Variants in STAP1 observed in about 807,000 individuals in gnomAD.
STAP1 encodes signal-transducing adaptor protein 1.
Under a neutral mutation model 37.8 loss-of-function variants are expected in STAP1, and 30 were observed. That is an observed-to-expected ratio of 0.79 (90% CI 0.59 to 1.08). The LOEUF (loss-of-function observed/expected upper bound fraction) is 1.08, where lower values mean the gene tolerates loss of function less well. STAP1 is among the 50% of genes least tolerant of loss of function. The pLI, the probability that STAP1 is intolerant of heterozygous loss-of-function variation, is 0.00. For missense variants in STAP1, 357 were observed against 349.4 expected (o/e 1.02, Z -0.17); for synonymous variants, 130 against 116.0 (o/e 1.12, Z -0.78).
intron 4 of STAP1, among the ~76,000 whole-genome samples, chr4:67,577,708 G>A (rs548237093): frequency 6.8e-6 from 1 of 146,322 alleles, no homozygotes; most frequent in African/African-American, 2.5e-5. Context: ...GGAGTGCAGT[G>A]GCATAATTTG....
At chr4:67,562,762 A>G (rs931732604) in intron 1 of STAP1, among the ~76,000 whole-genome samples, 2 of 151,900 alleles carry the variant, frequency 1.3e-5, no homozygotes, top group African/African-American at 2.4e-5. Context: ...ACAGAGGGAG[A>G]CTCCATCTCA....
intron 2 of STAP1, among the ~76,000 whole-genome samples, chr4:67,574,675 T>A (rs1727680057): frequency 6.6e-6 from 1 of 152,208 alleles, no homozygotes; most frequent in African/African-American, 2.4e-5. Flanking sequence ...GCCTATGGCC[T>A]GATTTTCTTC....
At chr4:67,597,605 T>C (rs1260474137) in intron 8 of STAP1, among the ~76,000 whole-genome samples, 1 of 152,180 alleles carries the variant, frequency 6.6e-6, no homozygotes, top group Non-Finnish European at 1.5e-5. Context: ...CCCTGCAGAG[T>C]CACAGGGGTG....
Position 67,581,428 on chromosome 4 carries a change from G to T in STAP1, c.487G>T (p.Glu163Ter). The T allele has an allele frequency of 6.2e-7, 1 of 1,613,768 alleles. No homozygotes were observed. Among genetic ancestry groups the T allele is most frequent in the South Asian group, 1.1e-5 (1 of 90,972 alleles). ...GAGTACGTCCGTGGAAAAAGAGAAG[G>T]AACCAACTGAAGATTATGTGGATGT... is the stretch of plus-strand genomic sequence containing the variant. Reference protein sequence around the residue: ...EQSTSVEKEKEPTEDYVDVLN... With the variant: ...EQSTSVEKEK Residue 163 changes from glutamate (E) to a stop codon, truncating the protein, a stop_gained, in exon 5 of 9, where the codon GAA (glutamate) becomes TAA (stop). Coordinates refer to ENST00000265404, the MANE Select transcript of STAP1 (RefSeq NM_012108.4). LOFTEE classifies it high-confidence loss of function.
At position 67,570,858 on chromosome 4, in the gene STAP1, T is replaced by C. The variant is rs28414931; in HGVS notation, c.121-226T>C. ...CTGAGGCAGAAGAATTGCTTGAGCC[T>C]AGGAGTTGGAGAGTCCAGCCTGGGG... On this transcript the variant is annotated intron_variant, in intron 1 of 8. Transcript: ENST00000265404. 0.32 allele frequency among the ~76,000 whole-genome samples: 48,556 copies of C among 151,822 alleles called. 7,929 individuals are homozygous for C. Among genetic ancestry groups the C allele is most frequent in the Admixed American group, 0.37 (5,670 of 15,254 alleles).
chr4:67,566,226 G>A (rs1448476190), intron 1 of STAP1, among the ~76,000 whole-genome samples: 3 of 152,006 alleles, frequency 2.0e-5, no homozygotes, highest in Admixed American at 6.6e-5. Context: ...GCGACGACAG[G>A]CATGAGCCAC....
intron 8 of STAP1, among the ~76,000 whole-genome samples, chr4:67,604,035 C>T (rs1420438138): frequency 5.3e-5 from 8 of 152,184 alleles, no homozygotes; most frequent in Admixed American, 3.9e-4. Flanking sequence ...CTAGTCAGAG[C>T]TCAGATTCTG....
intron 5 of STAP1, among the ~76,000 whole-genome samples, chr4:67,582,866 G>A (rs538717138): frequency 6.6e-6 from 1 of 152,252 alleles, no homozygotes; most frequent in African/African-American, 2.4e-5. Context: ...CTTTGTGTTA[G>A]ATGATTTTGC....
intron 6 of STAP1, among the ~76,000 whole-genome samples, chr4:67,589,010 C>A (rs548467274): frequency 6.6e-6 from 1 of 152,336 alleles, no homozygotes; most frequent in East Asian, 1.9e-4. Context: ...AAGGCACCAT[C>A]TCCATTTATA....
intron 4 of STAP1, among the ~76,000 whole-genome samples, chr4:67,580,334 A>T (rs754286078): frequency 2.0e-5 from 3 of 152,208 alleles, no homozygotes; most frequent in Non-Finnish European, 2.9e-5. Context: ...AGTTATCTAA[A>T]ATGTCTCTAA....
chr4:67,580,521 G>A (rs1185266132), intron 4 of STAP1, among the ~76,000 whole-genome samples: 1 of 152,126 alleles, frequency 6.6e-6, no homozygotes, highest in Non-Finnish European at 1.5e-5. Flanking sequence ...CTCCTGGAAA[G>A]CATGCACTCT....
chr4:67,592,023 T>C (rs1327631702), intron 7 of STAP1, among the ~76,000 whole-genome samples: 1 of 152,212 alleles, frequency 6.6e-6, no homozygotes, highest in Non-Finnish European at 1.5e-5. Context: ...CATTAGCTCA[T>C]ACAGTCTACA....
chr4:67,603,945 A>T (rs1400923214), intron 8 of STAP1, among the ~76,000 whole-genome samples: 1 of 152,174 alleles, frequency 6.6e-6, no homozygotes. Flanking sequence ...GGACTTGCCC[A>T]GGACCCTCAG....
chr4:67,575,121 G>A (rs751391019), intron 2 of STAP1, among the ~76,000 whole-genome samples: 26 of 152,002 alleles, frequency 1.7e-4, no homozygotes, highest in African/African-American at 2.4e-4. Context: ...TATATAATTC[G>A]ATTTTTAAAA....
chr4:67,558,874 C>G lies in STAP1; in HGVS notation c.65C>G (p.Thr22Ser). ...ATCTTCCAGGAAAGGTTAAAGATTACTGCTCTACCTTTGTACTTTGAAGGT... is the reference window on the plus strand; with the variant it reads ...ATCTTCCAGGAAAGGTTAAAGATTAGTGCTCTACCTTTGTACTTTGAAGGT... ...RRIFQERLKI[T>S]ALPLYFEGFL... is the part of the protein sequence containing the mutation. Residue 22 changes from threonine to serine, a missense_variant, in exon 1 of 9, where the codon ACT (threonine) becomes AGT (serine). By Grantham distance (58) the Thr-to-Ser change is moderately conservative (BLOSUM62 1). Transcript: ENST00000265404. 1 of 1,613,852 alleles carries G rather than the reference C, an allele frequency of 6.2e-7. No individual in the cohort carries two copies. Among genetic ancestry groups the G allele is most frequent in the Non-Finnish European group, 8.5e-7 (1 of 1,179,810 alleles).
At chr4:67,604,842 C>T (rs975933311) in intron 8 of STAP1, among the ~76,000 whole-genome samples, 7 of 152,120 alleles carry the variant, frequency 4.6e-5, no homozygotes, top group African/African-American at 1.7e-4. Flanking sequence ...CTGTGGGAAG[C>T]CATTCCAATA....
intron 1 of STAP1, among the ~76,000 whole-genome samples, chr4:67,568,574 T>C (rs1727525667): frequency 6.6e-6 from 1 of 152,196 alleles, no homozygotes; most frequent in African/African-American, 2.4e-5. Context: ...GTTATTTAAA[T>C]ATTTTAAACT....
In STAP1 at chr4:67,606,287, A is replaced by C. The variant is rs1051587036; in HGVS notation, c.827-9A>C. ...TCGCTAATTAAGTTTTTCTACCCAC[A>C]ATTTCTAGGTCAAGAACCCAGTATG... On this transcript the variant is annotated splice_polypyrimidine_tract_variant and intron_variant, in intron 8 of 8. Coordinates refer to ENST00000265404, the MANE Select transcript of STAP1 (RefSeq NM_012108.4). 6 of 1,602,326 alleles carry C rather than the reference A, an allele frequency of 3.7e-6. No homozygotes were observed. The highest frequency in any genetic ancestry group is 1.8e-5 in the Admixed American group (1 of 56,840).
chr4:67,590,383 C>T (rs1728093366), intron 6 of STAP1, among the ~76,000 whole-genome samples: 1 of 152,074 alleles, frequency 6.6e-6, no homozygotes. Context: ...TAGTGGATAT[C>T]CAGGGTGGTA....
Sources: allele counts gnomAD v4.1 joint callset (sites outside exome capture counted in the v4.1 genomes callset), GRCh38; gene constraint gnomAD v4.1.1; transcripts MANE v1.5; gene names NCBI Gene and HGNC (gene_info 2026-07-23, HGNC 2026-07-21).